NRG1: variants seen among roughly 807,000 people sequenced by gnomAD.
NRG1 encodes the protein pro-neuregulin-1, membrane-bound isoform.
A neutral mutation model predicts 63.8 loss-of-function variants in NRG1; 18 were observed. That is an observed-to-expected ratio of 0.28 (90% CI 0.19 to 0.42). NRG1 has a LOEUF of 0.42. Among genes scored for constraint, NRG1 ranks in the 10% least tolerant of loss-of-function variants. NRG1 has a pLI of 1.00. For synonymous variants in NRG1, 302 were observed against 301.3 expected (o/e 1.00, Z -0.02); for missense variants, 762 against 814.7 (o/e 0.94, Z 0.79).
chr8:31,796,329 C>G lies in NRG1; in HGVS notation c.37+156898C>G, dbSNP rs183539694. Reference sequence around the variant, plus strand: ...TAGGATATCTATCACCCTTACTCTTCTCTAACCCCATCTTAAAAAACAAAG... The same window carrying G: ...TAGGATATCTATCACCCTTACTCTTGTCTAACCCCATCTTAAAAAACAAAG... On this transcript the variant is annotated intron_variant, in intron 1 of 10. Coordinates refer to the NRG1 transcript ENST00000519301. Among the ~76,000 whole-genome samples the G allele has an allele frequency of 6.0e-5, 9 of 148,982 alleles. No individual in the cohort carries two copies. The East Asian group carries it at 1.8e-3, about 30-fold the overall frequency.
At chr8:32,587,091 C>T (rs1841747517) in intron 1 of NRG1, among the ~76,000 whole-genome samples, 1 of 152,014 alleles carries the variant, frequency 6.6e-6, no homozygotes, top group Non-Finnish European at 1.5e-5. Context: ...TGCCTGTGGT[C>T]CCAGCTATGT....
intron 1 of NRG1, among the ~76,000 whole-genome samples, chr8:32,188,524 TA>T (rs1229702883): frequency 1.3e-5 from 2 of 152,122 alleles, no homozygotes; most frequent in African/African-American, 4.8e-5. Context: ...CAGATGGAAT[TA>T]AAATAGCTAA....
rs1191377348 is a variant in NRG1, at chr8:32,295,093, T to C, written c.38-300735T>C. Among the ~76,000 whole-genome samples, 77 of 152,146 alleles carry C rather than the reference T, an allele frequency of 5.1e-4. 1 individual carries two copies. Among genetic ancestry groups the C allele is most frequent in the Admixed American group, 4.8e-3 (74 of 15,276 alleles). On this transcript the variant is annotated intron_variant, in intron 1 of 10. Coordinates refer to the NRG1 transcript ENST00000519301. ...TTTAAATGTTATAGTACTTTGACCT[T>C]GGTTGTGAAAATAAAGTGTCTAGTG...
At chr8:32,554,536 G>A (rs937199896) in intron 1 of NRG1, among the ~76,000 whole-genome samples, 7 of 152,142 alleles carry the variant, frequency 4.6e-5, no homozygotes, top group African/African-American at 1.7e-4. Context: ...AATATTCCAT[G>A]TTCTCATCTT....
chr8:32,261,385 G>GTGTA (rs2129471576), intron 1 of NRG1, among the ~76,000 whole-genome samples: 1 of 151,984 alleles, frequency 6.6e-6, no homozygotes, highest in East Asian at 1.9e-4. Context: ...GTGTGTGTGT[G>GTGTA]TGTGCTGGTG....
intron 1 of NRG1, among the ~76,000 whole-genome samples, chr8:32,309,938 A>C (rs2129475859): frequency 6.6e-6 from 1 of 152,358 alleles, no homozygotes; most frequent in Admixed American, 6.5e-5. Flanking sequence ...CCAGACAAGC[A>C]CAGAGAGAGG....
At chr8:31,741,849 G>A (rs1268103483) in intron 1 of NRG1, among the ~76,000 whole-genome samples, 1 of 151,874 alleles carries the variant, frequency 6.6e-6, no homozygotes, top group Non-Finnish European at 1.5e-5. Flanking sequence ...ATGCTGTCTA[G>A]AAACTTCTGT....
intron 1 of NRG1, among the ~76,000 whole-genome samples, chr8:32,278,386 T>G (rs968256570): frequency 1.3e-5 from 2 of 152,196 alleles, no homozygotes; most frequent in Non-Finnish European, 2.9e-5. Flanking sequence ...TTTGTTCATG[T>G]GTTATTTAAA....
chr8:31,705,878 TTTATGGTAC>T (rs941492981), intron 1 of NRG1, among the ~76,000 whole-genome samples: 91 of 152,292 alleles, frequency 6.0e-4, no homozygotes, highest in African/African-American at 2.1e-3. Flanking sequence ...TAAAAACAAT[TTTATGGTAC>T]TTTTATGAGC....
chr8:31,985,368 C>T (rs187948453), intron 1 of NRG1, among the ~76,000 whole-genome samples: 76 of 152,056 alleles, frequency 5.0e-4, no homozygotes, highest in Non-Finnish European at 1.0e-3. Flanking sequence ...CCATGATTAG[C>T]GAGCATTTAT....
In NRG1 at chr8:32,250,166, T is replaced by C. The variant is rs373113115; in HGVS notation, c.38-345662T>C. ...GATCTCTTTCAAACTGTCTTTTTTGTTGAGGCTATATGAAATGTTTACTGT... is the reference window on the plus strand; with the variant it reads ...GATCTCTTTCAAACTGTCTTTTTTGCTGAGGCTATATGAAATGTTTACTGT... On this transcript the variant is annotated intron_variant, in intron 1 of 10. Coordinates refer to the NRG1 transcript ENST00000519301. 3.5e-4 allele frequency among the ~76,000 whole-genome samples: 53 copies of C among 152,266 alleles called. No individual in the cohort carries two copies. In the East Asian group the frequency reaches 4.1e-3, roughly 12 times the overall value.
chr8:32,639,172 G>A (rs926637484), intron 5 of NRG1, among the ~76,000 whole-genome samples: 31 of 152,116 alleles, frequency 2.0e-4, no homozygotes, highest in Admixed American at 1.3e-4. Flanking sequence ...TTGGGAGGCC[G>A]AGGTGGGCGG....
intron 6 of NRG1, among the ~76,000 whole-genome samples, chr8:32,735,761 A>G (rs192829455): frequency 6.6e-6 from 1 of 152,342 alleles, no homozygotes; most frequent in African/African-American, 2.4e-5. Context: ...TGAGCATTTC[A>G]GAGCAAGCTG....
intron 1 of NRG1, among the ~76,000 whole-genome samples, chr8:32,552,595 G>A (rs951788420): frequency 2.0e-5 from 3 of 152,284 alleles, no homozygotes; most frequent in African/African-American, 7.2e-5. Context: ...CCCTAACGGG[G>A]CAGCCTGTGT....
At chr8:32,031,199 A>G (rs1378312294) in intron 1 of NRG1, among the ~76,000 whole-genome samples, 1 of 152,176 alleles carries the variant, frequency 6.6e-6, no homozygotes, top group Non-Finnish European at 1.5e-5. Flanking sequence ...CATGGCTACC[A>G]TCCATCACCA....
At chr8:31,960,327 A>G (rs981332230) in intron 1 of NRG1, among the ~76,000 whole-genome samples, 2 of 152,124 alleles carry the variant, frequency 1.3e-5, no homozygotes, top group Non-Finnish European at 2.9e-5. Flanking sequence ...CTGTGGGAAC[A>G]AACGAGTTCA....
At chr8:32,000,189 T>C (rs540230456) in intron 1 of NRG1, among the ~76,000 whole-genome samples, 13 of 152,024 alleles carry the variant, frequency 8.6e-5, no homozygotes, top group Non-Finnish European at 1.8e-4. Context: ...GGTTTTGAAC[T>C]GTAATGATGT....
chr8:31,689,535 A>G (rs1313262069), intron 1 of NRG1, among the ~76,000 whole-genome samples: 1 of 152,178 alleles, frequency 6.6e-6, no homozygotes, highest in Admixed American at 6.5e-5. Context: ...GAGACTGCAT[A>G]CTTTTTCTTC....
chr8:32,714,300 A>C (rs1021928925), intron 5 of NRG1, among the ~76,000 whole-genome samples: 1 of 152,252 alleles, frequency 6.6e-6, no homozygotes, highest in African/African-American at 2.4e-5. Context: ...AAAGCAGACA[A>C]ATGAACAAAA....
Sources: allele counts gnomAD v4.1 joint callset (sites outside exome capture counted in the v4.1 genomes callset), GRCh38; gene constraint gnomAD v4.1.1; transcripts MANE v1.5; gene names NCBI Gene and HGNC (gene_info 2026-07-23, HGNC 2026-07-21).